The following MACC1 variants were observed in gnomAD, a reference collection of about 807,000 sequenced individuals.
MACC1 encodes MET transcriptional regulator MACC1.
MACC1 carries 79 observed loss-of-function variants against 70.7 expected under a neutral mutation model. The ratio of observed to expected loss-of-function variants is 1.12; its 90% CI spans 0.93 to 1.35. The LOEUF is 1.35. MACC1 is among the 40% of genes most tolerant of loss of function. MACC1 has a pLI of 0.00. For missense variants in MACC1, 1,106 were observed against 978.1 expected (o/e 1.13, Z -1.74); for synonymous variants, 361 against 347.2 (o/e 1.04, Z -0.44).
Position 20,158,293 on chromosome 7 carries a change from AT to A in MACC1, c.2067del (p.Glu689AspfsTer9). ...EDFDQIQADK[E>X]SEKVSYVIKK... ...TTTATAACATAAGAAACTTTCTCTG[AT>A]TCTTTGTCTGCTTGAATTTGATCAA... On this transcript the variant is annotated frameshift_variant, in exon 5 of 7. Transcript: ENST00000400331. LOFTEE classifies it high-confidence loss of function. 3.7e-6 allele frequency: 6 copies of A among 1,613,204 alleles called. No individual in the cohort carries two copies. Among genetic ancestry groups the A allele is most frequent in the Non-Finnish European group, 5.1e-6 (6 of 1,179,868 alleles).
intron 6 of MACC1, chr7:20,153,266 G>A (rs1438140932): frequency 6.6e-6 from 1 of 152,134 alleles, no homozygotes; most frequent in African/African-American, 2.4e-5. Context: ...ATGCAAAGGT[G>A]GTTTTGTCCT....
At chr7:20,182,084 C>T (rs1399364792) in intron 1 of MACC1, among the ~76,000 whole-genome samples, 4 of 150,062 alleles carry the variant, frequency 2.7e-5, no homozygotes, top group Non-Finnish European at 4.4e-5. Context: ...AGCAAACTAT[C>T]GCAAGGACAA....
intron 1 of MACC1, among the ~76,000 whole-genome samples, chr7:20,210,460 G>A (rs764928185): frequency 6.6e-6 from 1 of 152,036 alleles, no homozygotes; most frequent in Non-Finnish European, 1.5e-5. Context: ...TCATCCCTAT[G>A]TACCCAGTGC....
chr7:20,162,412 C>G (rs1053119683), intron 3 of MACC1, among the ~76,000 whole-genome samples: 1 of 152,020 alleles, frequency 6.6e-6, no homozygotes, highest in African/African-American at 2.4e-5. Flanking sequence ...TGTTGTTTAA[C>G]AACACATACA....
intron 1 of MACC1, among the ~76,000 whole-genome samples, chr7:20,185,909 G>C (rs139489741): frequency 6.6e-6 from 1 of 152,236 alleles, no homozygotes; most frequent in Non-Finnish European, 1.5e-5. Context: ...ACATCATCCC[G>C]GTAGGAAGTA....
intron 1 of MACC1, among the ~76,000 whole-genome samples, chr7:20,212,870 G>A (rs970697962): frequency 3.9e-5 from 6 of 152,108 alleles, no homozygotes; most frequent in Admixed American, 1.3e-4. Context: ...GGCCCAGGGA[G>A]TTTTCAAATT....
rs751787261 is a variant in MACC1 at position 20,140,251 on chromosome 7, T to A, written c.*695A>T. On this transcript the variant is annotated 3_prime_UTR_variant, in exon 7 of 7. Transcript: ENST00000400331. ...GTCTTAACACGCATTTTGTTTTTACTATTCTGTTATGCAGTATGATTTTTT... is the reference window on the plus strand; with the variant it reads ...GTCTTAACACGCATTTTGTTTTTACAATTCTGTTATGCAGTATGATTTTTT... 1.3e-5 allele frequency: 2 copies of A among 152,242 alleles called. No individual in the cohort carries two copies. Among genetic ancestry groups the A allele is most frequent in the Non-Finnish European group, 2.9e-5 (2 of 68,046 alleles). 9.4% of individuals were successfully genotyped at this position (152,242 alleles called of 1,614,324 possible).
intron 1 of MACC1, among the ~76,000 whole-genome samples, chr7:20,201,576 G>T (rs1023729943): frequency 6.6e-6 from 1 of 152,142 alleles, no homozygotes; most frequent in African/African-American, 2.4e-5. Flanking sequence ...TAAAGAAGAC[G>T]CAGAGGAGTT....
chr7:20,155,469 T>A (rs1054999935), intron 5 of MACC1, among the ~76,000 whole-genome samples: 2 of 152,198 alleles, frequency 1.3e-5, no homozygotes, highest in Non-Finnish European at 2.9e-5. Context: ...GTGGCCTCTC[T>A]CTTTCAAAAT....
At position 20,158,465 on chromosome 7, in the gene MACC1, G is replaced by C. The variant is rs1185303115; in HGVS notation, c.1896C>G (p.Thr632=). The C allele has an allele frequency of 1.2e-6, 2 of 1,613,838 alleles. No individual in the cohort carries two copies. The highest frequency in any genetic ancestry group is 1.7e-6 in the Non-Finnish European group (2 of 1,179,982). ...VMFMSDSVFT[T]RNLLEQIVLP... ...GGACAATCTGTTCAAGAAGATTTCT[G>C]GTTGTAAAGACACTATCTGACATAA... Residue 632 remains threonine, a synonymous_variant, in exon 5 of 7, where the codon ACC becomes ACG. Transcript: ENST00000400331.
At chr7:20,184,165 T>C (rs1782551692) in intron 1 of MACC1, among the ~76,000 whole-genome samples, 1 of 152,140 alleles carries the variant, frequency 6.6e-6, no homozygotes, top group Admixed American at 6.5e-5. Flanking sequence ...GCACAAGTGG[T>C]TTTTTTACAT....
intron 3 of MACC1, among the ~76,000 whole-genome samples, chr7:20,162,408 T>C (rs1475590951): frequency 6.6e-6 from 1 of 152,154 alleles, no homozygotes; most frequent in East Asian, 1.9e-4. Flanking sequence ...AGCATGTTGT[T>C]TAACAACACA....
At chr7:20,165,072 C>G (rs1009360016) in intron 2 of MACC1, among the ~76,000 whole-genome samples, 3 of 152,112 alleles carry the variant, frequency 2.0e-5, no homozygotes, top group Non-Finnish European at 4.4e-5. Context: ...ATCATAACCT[C>G]TCAGAAACAA....
intron 6 of MACC1, among the ~76,000 whole-genome samples, chr7:20,145,612 A>C (rs1263640061): frequency 6.6e-6 from 1 of 152,172 alleles, no homozygotes; most frequent in Admixed American, 6.5e-5. Context: ...GCTTTGCCAT[A>C]TGGAGAACTT....
chr7:20,205,835 C>G (rs564777251), intron 1 of MACC1, among the ~76,000 whole-genome samples: 22 of 152,236 alleles, frequency 1.4e-4, no homozygotes, highest in Admixed American at 7.8e-4. Context: ...AGCTGCAGAA[C>G]TGTAGCATTC....
rs779060052 is a variant in MACC1, at chr7:20,154,359, T to C, written c.2180A>G (p.Gln727Arg). 1 of 1,613,608 alleles carries C rather than the reference T, an allele frequency of 6.2e-7. No individual in the cohort carries two copies. Among genetic ancestry groups the C allele is most frequent in the South Asian group, 1.1e-5 (1 of 91,036 alleles). The change falls in exon 6 of 7, where the codon CAA (glutamine) becomes CGA (arginine). Residue 727 changes from glutamine (Q) to arginine (R), a missense_variant. Gln to Arg is a conservative substitution (Grantham distance 43). Coordinates refer to ENST00000400331, the MANE Select transcript of MACC1 (RefSeq NM_182762.4). Reference protein sequence around the residue: ...LIVALLKMDCQELVARLIQEA... With the variant: ...LIVALLKMDCRELVARLIQEA... The stretch of plus-strand genomic sequence containing the variant: ...TTGGATGAGACGTGCGACTAACTCT[T>C]GGCAATCCATTTTCAGAAGAGCCTG...
intron 1 of MACC1, among the ~76,000 whole-genome samples, chr7:20,206,900 C>T (rs1562603382): frequency 6.6e-6 from 1 of 152,174 alleles, no homozygotes; most frequent in Non-Finnish European, 1.5e-5. Flanking sequence ...CTCCTCCGGC[C>T]CCCCAGTCAC....
chr7:20,158,111 A>G (rs1782081287), intron 5 of MACC1, 93 bp downstream of exon 5: 1 of 1,419,854 alleles, frequency 7.0e-7, no homozygotes, highest in South Asian at 1.5e-5. Context: ...TTGAATTTTT[A>G]AACATTTCTC....
At chr7:20,163,584 A>G (rs1321744161) in intron 3 of MACC1, among the ~76,000 whole-genome samples, 1 of 152,242 alleles carries the variant, frequency 6.6e-6, no homozygotes, top group African/African-American at 2.4e-5. Flanking sequence ...TCATACAACT[A>G]TTGAAACAGA....
Sources: gnomAD v4.1 joint callset for allele counts (sites outside exome capture counted in the v4.1 genomes callset) on GRCh38, gnomAD v4.1.1 for gene constraint, MANE v1.5 for transcripts, NCBI Gene and HGNC (gene_info 2026-07-23, HGNC 2026-07-21) for gene names.